RYR2: variants seen among roughly 807,000 people sequenced by gnomAD.
RYR2 encodes cardiac muscle ryanodine receptor-calcium release channel.
In RYR2, 227 loss-of-function variants were observed where a neutral mutation model predicts 601.1. The observed-to-expected ratio is 0.38, with a 90% CI of 0.34 to 0.42. RYR2 has a LOEUF of 0.42. Among genes scored for constraint, RYR2 ranks in the 10% least tolerant of loss-of-function variants. The probability of loss-of-function intolerance (pLI) is 1.00; values close to 1 mark genes in which losing one functional copy is unlikely to be tolerated. For synonymous variants in RYR2, 2,223 were observed against 2,175.1 expected (o/e 1.02, Z -0.61); for missense variants, 4,646 against 6,156.5 (o/e 0.75, Z 8.21).
intron 35 of RYR2, among the ~76,000 whole-genome samples, chr1:237,606,837 A>C (rs947077991): frequency 5.9e-5 from 9 of 152,204 alleles, no homozygotes; most frequent in African/African-American, 1.7e-4. Flanking sequence ...CTCATCATCA[A>C]TGGCCATCAG....
intron 79 of RYR2, among the ~76,000 whole-genome samples, chr1:237,739,764 C>A (rs1374784760): frequency 6.6e-6 from 1 of 152,052 alleles, no homozygotes; most frequent in Non-Finnish European, 1.5e-5. Context: ...GGTTTTGATT[C>A]CTTAGTCTTC....
intron 62 of RYR2, among the ~76,000 whole-genome samples, chr1:237,681,551 A>G (rs1397509361): frequency 3.3e-5 from 5 of 152,226 alleles, no homozygotes; most frequent in African/African-American, 9.6e-5. Flanking sequence ...AGTATAAAAC[A>G]TGTCCTCAAA....
At chr1:237,491,505 C>A (rs1016727504) in intron 17 of RYR2, among the ~76,000 whole-genome samples, 15 of 152,204 alleles carry the variant, frequency 9.9e-5, no homozygotes, top group African/African-American at 3.6e-4. Context: ...TTCTTTAAGG[C>A]CCCACCTCTG....
intron 17 of RYR2, among the ~76,000 whole-genome samples, chr1:237,479,115 C>G (rs1661741193): frequency 6.6e-6 from 1 of 152,160 alleles, no homozygotes; most frequent in Non-Finnish European, 1.5e-5. Context: ...AAATACTACT[C>G]TTCATTAAAT....
rs1461710247 is a variant in RYR2 at position 237,501,837 on chromosome 1, C to G, written c.2396+934C>G. Among the ~76,000 whole-genome samples, 3 of 152,130 alleles carry G rather than the reference C, an allele frequency of 2.0e-5. 1 individual carries two copies. The highest frequency in any genetic ancestry group is 6.8e-3 in the Middle Eastern group (2 of 294). On this transcript the variant is annotated intron_variant, in intron 21 of 104. Coordinates refer to ENST00000366574, the MANE Select transcript of RYR2 (RefSeq NM_001035.3). ...TTATTTTTTTGGACTGGACCTGATA[C>G]ACAAATTAGAAAAAGAATTATGGAC...
At chr1:237,355,841 T>A (rs1699246289) in intron 3 of RYR2, 124 bp from the exon 4 acceptor site, 2 of 774,944 alleles carry the variant, frequency 2.6e-6, no homozygotes. Flanking sequence ...TTTTTATGCT[T>A]TAGAATTGGA....
chr1:237,141,580 G>T (rs1231678944), intron 1 of RYR2, among the ~76,000 whole-genome samples: 2 of 152,206 alleles, frequency 1.3e-5, no homozygotes, highest in African/African-American at 2.4e-5. Context: ...CAACTGGGAA[G>T]ATGTCCAGAG....
intron 1 of RYR2, among the ~76,000 whole-genome samples, chr1:237,269,361 G>A (rs1339738303): frequency 6.6e-6 from 1 of 150,628 alleles, no homozygotes; most frequent in Non-Finnish European, 1.5e-5. Context: ...TATTCTTTAG[G>A]TTAGCTAAAA....
rs750011838 is a variant in RYR2, at chr1:237,650,078, T to G, written c.7714T>G (p.Cys2572Gly). The change falls in exon 50 of 105, where the codon TGT (cysteine) becomes GGT (glycine). Residue 2572 changes from cysteine (C) to glycine (G), a missense_variant. Transcript: ENST00000366574. The part of the protein sequence containing the change: ...TKAQRDSIEV[C>G]LLSICGQLRP... ...AGCTCAGCGGGATTCCATAGAAGTT[T>G]GTTTACTCTCTATTTGTGGGTGAGT... 24 of 1,613,972 alleles carry G rather than the reference T, an allele frequency of 1.5e-5. No homozygotes were observed. The highest frequency in any genetic ancestry group is 1.9e-5 in the Non-Finnish European group (23 of 1,179,858).
chr1:237,701,859 A>G (rs1259293044), intron 65 of RYR2, 119 bp from the exon 66 acceptor site: 3 of 577,798 alleles, frequency 5.2e-6, no homozygotes, highest in Non-Finnish European at 9.3e-6. Flanking sequence ...ACATGATTTC[A>G]TTCTTTTTAT....
intron 42 of RYR2, 61 bp from the exon 43 acceptor site, chr1:237,633,517 A>C: frequency 6.2e-7 from 1 of 1,603,908 alleles, no homozygotes; most frequent in Non-Finnish European, 8.5e-7. Context: ...ACCTCAACGT[A>C]TGAACTCAAT....
chr1:237,714,143 A>G (rs1179436602), intron 71 of RYR2, among the ~76,000 whole-genome samples: 1 of 152,124 alleles, frequency 6.6e-6, no homozygotes, highest in Non-Finnish European at 1.5e-5. Context: ...CACTCATCTT[A>G]AACCTCACTG....
chr1:237,459,290 A>G (rs952320672), intron 16 of RYR2, among the ~76,000 whole-genome samples: 1 of 152,198 alleles, frequency 6.6e-6, no homozygotes, highest in African/African-American at 2.4e-5. Context: ...GTCTCTAAAT[A>G]ATAATAAAAA....
chr1:237,530,603 A>G, intron 25 of RYR2, 93 bp downstream of exon 25: 1 of 1,011,552 alleles, frequency 9.9e-7, no homozygotes. Flanking sequence ...CCTTGCTTTT[A>G]CTGAAGCTTT....
intron 91 of RYR2, among the ~76,000 whole-genome samples, chr1:237,787,597 CAAAAAAA>C (rs778668137): frequency 5.0e-4 from 30 of 60,398 alleles, no homozygotes; most frequent in African/African-American, 1.3e-3. Context: ...GTCTCAAAAA[CAAAAAAA>C]AAAAAAAAAA....
intron 29 of RYR2, among the ~76,000 whole-genome samples, chr1:237,573,217 T>G (rs1672875351): frequency 8.0e-6 from 1 of 125,240 alleles, no homozygotes; most frequent in African/African-American, 2.9e-5. Flanking sequence ...TTATTATCTA[T>G]GGAGATATAC....
intron 1 of RYR2, among the ~76,000 whole-genome samples, chr1:237,163,733 G>A (rs747907097): frequency 1.3e-5 from 2 of 152,200 alleles, no homozygotes; most frequent in Non-Finnish European, 2.9e-5. Flanking sequence ...TCAGCTTCTG[G>A]AGTGTGTTAG....
In RYR2 at chr1:237,180,729, GATAT is replaced by G. The variant is rs1678645098; in HGVS notation, c.49-89765_49-89762del. Among the ~76,000 whole-genome samples, 2 of 146,596 alleles carry G rather than the reference GATAT, an allele frequency of 1.4e-5. No homozygotes were observed. The highest frequency in any genetic ancestry group is 5.0e-5 in the African/African-American group (2 of 40,304). On this transcript the variant is annotated intron_variant, in intron 1 of 104. Coordinates refer to ENST00000366574, the MANE Select transcript of RYR2 (RefSeq NM_001035.3). The surrounding 1 kb of genome is among the most constrained non-coding windows in gnomAD (Gnocchi z 5.3). ...ATATACACATATATACATATACATA[GATAT>G]ATGCTATTATATAATAAATATTAAT...
intron 87 of RYR2, among the ~76,000 whole-genome samples, chr1:237,777,620 T>C (rs376925867): frequency 3.3e-5 from 5 of 152,300 alleles, no homozygotes; most frequent in East Asian, 3.9e-4. Flanking sequence ...AATTTTTTCA[T>C]TGGAAAGTGA....
Sources: gnomAD v4.1 joint callset for allele counts (sites outside exome capture counted in the v4.1 genomes callset) on GRCh38, gnomAD v4.1.1 for gene constraint, Gnocchi (gnomAD v3.1) non-coding constraint, MANE v1.5 for transcripts, NCBI Gene and HGNC (gene_info 2026-07-23, HGNC 2026-07-21) for gene names.